The following SGCZ variants were observed in gnomAD, a reference collection of about 807,000 sequenced individuals.
SGCZ encodes the protein zeta-sarcoglycan.
Under a neutral mutation model 41.3 loss-of-function variants are expected in SGCZ, and 40 were observed. The ratio of observed to expected loss-of-function variants is 0.97; its 90% CI spans 0.75 to 1.26. The LOEUF is 1.26. Among genes scored for constraint, SGCZ ranks in the 50% most tolerant of loss-of-function variants. The probability of loss-of-function intolerance (pLI) is 0.00; values close to 1 mark genes in which losing one functional copy is unlikely to be tolerated. For missense variants in SGCZ, 552 were observed against 369.8 expected (o/e 1.49, Z -4.04); for synonymous variants, 206 against 137.5 (o/e 1.50, Z -3.49).
At chr8:14,117,686 C>A (rs1802567659) in intron 5 of SGCZ, among the ~76,000 whole-genome samples, 1 of 151,482 alleles carries the variant, frequency 6.6e-6, no homozygotes, top group Admixed American at 6.6e-5. Context: ...CTGCACCCAT[C>A]AACCCATCAT....
chr8:14,454,666 A>G (rs1800691696), intron 2 of SGCZ, among the ~76,000 whole-genome samples: 1 of 152,202 alleles, frequency 6.6e-6, no homozygotes, highest in South Asian at 2.1e-4. Flanking sequence ...TAATAAAATT[A>G]GCATGGTATT....
At chr8:15,104,652 C>T (rs1806748835) in intron 1 of SGCZ, among the ~76,000 whole-genome samples, 2 of 151,860 alleles carry the variant, frequency 1.3e-5, no homozygotes, top group Admixed American at 1.3e-4. Context: ...TTAATTTTTA[C>T]CACAACTGTG....
At chr8:14,904,016 A>C (rs1198102931) in intron 1 of SGCZ, among the ~76,000 whole-genome samples, 2 of 152,088 alleles carry the variant, frequency 1.3e-5, no homozygotes, top group African/African-American at 2.4e-5. Flanking sequence ...GATGAGCTAC[A>C]AAAAAATTTT....
At chr8:15,100,944 G>A (rs1157793910) in intron 1 of SGCZ, among the ~76,000 whole-genome samples, 1 of 151,538 alleles carries the variant, frequency 6.6e-6, no homozygotes, top group East Asian at 1.9e-4. Flanking sequence ...TTACTGCACT[G>A]TAGCCCAGCT....
At chr8:14,764,763 A>G (rs115423136) in intron 1 of SGCZ, among the ~76,000 whole-genome samples, 2,466 of 152,290 alleles carry the variant, frequency 0.016, 27 homozygotes, top group Middle Eastern at 0.037. Context: ...AAACTTAAAT[A>G]TGGTCTAAAA....
intron 2 of SGCZ, among the ~76,000 whole-genome samples, chr8:14,462,871 A>ATTT (rs34744100): frequency 0.22 from 32,853 of 150,584 alleles, 4,157 homozygotes; most frequent in Non-Finnish European, 0.29. Flanking sequence ...TCTTTTAAGA[A>ATTT]TTTTTTTTTG....
chr8:14,481,891 G>T (rs1801543996), intron 2 of SGCZ, among the ~76,000 whole-genome samples: 1 of 152,102 alleles, frequency 6.6e-6, no homozygotes, highest in Admixed American at 6.6e-5. Context: ...TGGCTCCTAA[G>T]GACTGGTTTT....
intron 1 of SGCZ, among the ~76,000 whole-genome samples, chr8:14,850,398 C>A (rs955248810): frequency 6.6e-6 from 1 of 151,986 alleles, no homozygotes; most frequent in African/African-American, 2.4e-5. Context: ...TACTCAGTAA[C>A]TAGAAAGACA....
At position 14,087,057 on chromosome 8, in the gene SGCZ, C is replaced by T. The variant is rs561254917; in HGVS notation, c.*3386G>A. ...AACTGGAATTGCTGGCTCCATTTTC[C>T]GAGATTTGAAGTACTGTAATCTAAG... On this transcript the variant is annotated 3_prime_UTR_variant, in exon 8 of 8. Transcript: ENST00000382080. Among the ~76,000 whole-genome samples the T allele has an allele frequency of 2.2e-4, 33 of 150,572 alleles. No homozygotes were observed. In the South Asian group the frequency reaches 5.6e-3, roughly 26 times the overall value.
chr8:14,655,306 G>C (rs530777124), intron 1 of SGCZ, among the ~76,000 whole-genome samples: 4 of 152,052 alleles, frequency 2.6e-5, no homozygotes, highest in African/African-American at 9.7e-5. Context: ...TGTAGAAGGT[G>C]TTCATATGTT....
intron 1 of SGCZ, among the ~76,000 whole-genome samples, chr8:14,760,969 T>C (rs1227793055): frequency 3.9e-5 from 6 of 152,172 alleles, no homozygotes; most frequent in Non-Finnish European, 4.4e-5. Context: ...TTTGTTAAAC[T>C]GTTGGATGTC....
At chr8:14,131,272 C>T (rs753487424) in intron 5 of SGCZ, among the ~76,000 whole-genome samples, 8 of 152,128 alleles carry the variant, frequency 5.3e-5, no homozygotes, top group Non-Finnish European at 8.8e-5. Flanking sequence ...AGAACGCAGC[C>T]TTTGCCACAT....
chr8:15,035,580 C>G lies in SGCZ; in HGVS notation c.39+202005G>C, dbSNP rs150541017. ...TAGCTAAATAAATGAAAACATAAGA[C>G]CGAACAATATGCTGCCTACCAGAGA... On this transcript the variant is annotated intron_variant, in intron 1 of 7. Coordinates refer to ENST00000382080, the MANE Select transcript of SGCZ (RefSeq NM_139167.4). 8.9e-4 allele frequency among the ~76,000 whole-genome samples: 135 copies of G among 152,060 alleles called. 1 individual carries two copies. The highest frequency in any genetic ancestry group is 3.2e-3 in the African/African-American group (131 of 41,512).
At chr8:14,600,352 T>C (rs952393499) in intron 1 of SGCZ, among the ~76,000 whole-genome samples, 1 of 152,212 alleles carries the variant, frequency 6.6e-6, no homozygotes, top group African/African-American at 2.4e-5. Flanking sequence ...TCTCCAGATA[T>C]TCCTCTGAAA....
chr8:14,784,911 A>ATAT lies in SGCZ; in HGVS notation c.40-229986_40-229985insATA, dbSNP rs1304185524. Among the ~76,000 whole-genome samples, 230 of 82,072 alleles carry ATAT rather than the reference A, an allele frequency of 2.8e-3. 3 individuals are homozygous for ATAT. The highest frequency in any genetic ancestry group is 5.0e-3 in the Admixed American group (32 of 6,406). The allele number at this position is 82,072 out of a possible 152,430, so 53.8% of individuals were successfully genotyped here. A position where few individuals can be genotyped will look rare whatever the true frequency, so the allele number is the denominator to read the frequency against. On this transcript the variant is annotated intron_variant, in intron 1 of 7. Transcript: ENST00000382080. ...GAGTGAAACTCTGCCTCAAAAAAAA[A>ATAT]AAATATATATATATATATATATAAA...
At chr8:14,875,844 G>T (rs564829501) in intron 1 of SGCZ, among the ~76,000 whole-genome samples, 1 of 152,238 alleles carries the variant, frequency 6.6e-6, no homozygotes, top group South Asian at 2.1e-4. Flanking sequence ...CCACAATTTA[G>T]TTGGTTGAAA....
intron 1 of SGCZ, among the ~76,000 whole-genome samples, chr8:14,838,834 C>T (rs931669872): frequency 3.9e-5 from 6 of 152,096 alleles, no homozygotes; most frequent in African/African-American, 1.2e-4. Context: ...ACAGTTCCTC[C>T]GGACTGATGC....
intron 2 of SGCZ, among the ~76,000 whole-genome samples, chr8:14,544,906 T>G (rs1174731680): frequency 1.3e-5 from 2 of 152,100 alleles, no homozygotes; most frequent in African/African-American, 4.8e-5. Flanking sequence ...AGACCCTTAT[T>G]AGCGGTTCTG....
intron 1 of SGCZ, among the ~76,000 whole-genome samples, chr8:14,603,116 A>G (rs1051304025): frequency 2.6e-5 from 4 of 152,210 alleles, no homozygotes; most frequent in African/African-American, 4.8e-5. Context: ...GTGGCCTGGG[A>G]GTGCATTCTC....
Sources: allele counts gnomAD v4.1 joint callset (sites outside exome capture counted in the v4.1 genomes callset), GRCh38; gene constraint gnomAD v4.1.1; transcripts MANE v1.5; gene names NCBI Gene and HGNC (gene_info 2026-07-23, HGNC 2026-07-21).